NBEA: variants seen among roughly 807,000 people sequenced by gnomAD.
NBEA encodes the protein lysosomal-trafficking regulator 2.
NBEA carries 44 observed loss-of-function variants against 343.4 expected under a neutral mutation model. The observed-to-expected ratio is 0.13, with a 90% CI of 0.10 to 0.16. The LOEUF (loss-of-function observed/expected upper bound fraction) is 0.16, where lower values mean the gene tolerates loss of function less well. Among genes scored for constraint, NBEA ranks in the 10% least tolerant of loss-of-function variants. NBEA has a pLI of 1.00. For missense variants in NBEA, 2,555 were observed against 3,631.3 expected, an observed-to-expected ratio of 0.70 and a Z score of 7.62; for synonymous variants, 1,175 against 1,238.7, an observed-to-expected ratio of 0.95 and a Z score of 1.08.
At chr13:35,429,822 TGTG>T (rs1566121244) in intron 38 of NBEA, among the ~76,000 whole-genome samples, 5 of 145,766 alleles carry the variant, frequency 3.4e-5, no homozygotes, top group Non-Finnish European at 7.5e-5. Flanking sequence ...TGTGTGTGTG[TGTG>T]TGTGTGTGTA....
At chr13:35,598,486 T>G (rs2081907784) in intron 47 of NBEA, among the ~76,000 whole-genome samples, 2 of 152,210 alleles carry the variant, frequency 1.3e-5, no homozygotes, top group African/African-American at 4.8e-5. Flanking sequence ...GCTGAGTATC[T>G]TTCTCTGCAT....
intron 10 of NBEA, among the ~76,000 whole-genome samples, chr13:35,094,552 T>G (rs1322232508): frequency 6.6e-6 from 1 of 152,038 alleles, no homozygotes. Context: ...GAAGGAAATT[T>G]AACTCTTACA....
intron 48 of NBEA, among the ~76,000 whole-genome samples, chr13:35,611,045 G>GAA (rs35066386): frequency 8.0e-4 from 113 of 141,984 alleles, no homozygotes; most frequent in Non-Finnish European, 1.2e-3. Context: ...TTAAAAGGGG[G>GAA]AAAAAAAAAA....
intron 40 of NBEA, among the ~76,000 whole-genome samples, chr13:35,453,683 T>A (rs536559422): frequency 6.6e-6 from 1 of 152,336 alleles, no homozygotes; most frequent in Admixed American, 6.5e-5. Context: ...TTAGACTCCC[T>A]GGTCCTTTGT....
intron 1 of NBEA, among the ~76,000 whole-genome samples, chr13:35,024,537 A>T (rs1278325363): frequency 1.3e-5 from 2 of 152,004 alleles, no homozygotes; most frequent in Admixed American, 6.6e-5. Context: ...AAAATTAGCC[A>T]GGTGTGGTGG....
At chr13:35,664,424 G>A (rs373304966) in intron 55 of NBEA, among the ~76,000 whole-genome samples, 3 of 152,124 alleles carry the variant, frequency 2.0e-5, no homozygotes, top group South Asian at 4.1e-4. Flanking sequence ...AAGAAAGACC[G>A]CAAACAGAAC....
At chr13:35,197,036 A>G (rs185040328) in intron 31 of NBEA, among the ~76,000 whole-genome samples, 93 of 152,296 alleles carry the variant, frequency 6.1e-4, no homozygotes, top group Non-Finnish European at 1.1e-3. Context: ...TCACAGAAGC[A>G]GAATAAGATA....
At chr13:35,202,030 G>T (rs766942767) in intron 31 of NBEA, among the ~76,000 whole-genome samples, 11 of 152,030 alleles carry the variant, frequency 7.2e-5, no homozygotes, top group Non-Finnish European at 1.5e-4. Flanking sequence ...ATTTTAGTTT[G>T]GAATAGAAAG....
intron 41 of NBEA, among the ~76,000 whole-genome samples, chr13:35,477,674 CTGTCT>C (rs1030167159): frequency 7.9e-5 from 12 of 152,240 alleles, no homozygotes; most frequent in African/African-American, 2.4e-4. Flanking sequence ...GATATATCTC[CTGTCT>C]TAAGTGTCCT....
At chr13:35,085,756 T>C (rs1168852096) in intron 10 of NBEA, among the ~76,000 whole-genome samples, 2 of 151,986 alleles carry the variant, frequency 1.3e-5, no homozygotes, top group Non-Finnish European at 2.9e-5. Flanking sequence ...GAGAAGGAAA[T>C]AAAGGGTATT....
At chr13:35,005,921 A>T (rs368345138) in intron 1 of NBEA, among the ~76,000 whole-genome samples, 16 of 152,336 alleles carry the variant, frequency 1.1e-4, no homozygotes, top group African/African-American at 3.8e-4. Flanking sequence ...TGGAAGAGAC[A>T]GGAACCATTT....
intron 33 of NBEA, among the ~76,000 whole-genome samples, chr13:35,229,838 C>T (rs995784280): frequency 6.6e-6 from 1 of 152,088 alleles, no homozygotes; most frequent in African/African-American, 2.4e-5. Context: ...ACAGCATTTA[C>T]AACCTTCTTT....
intron 58 of NBEA, among the ~76,000 whole-genome samples, chr13:35,670,170 A>G (rs577001706): frequency 6.6e-6 from 1 of 152,358 alleles, no homozygotes; most frequent in East Asian, 1.9e-4. Flanking sequence ...GCAACACTTT[A>G]TGTAGACAGA....
chr13:35,049,570 G>A (rs2062991647), intron 5 of NBEA, among the ~76,000 whole-genome samples: 1 of 151,730 alleles, frequency 6.6e-6, no homozygotes, highest in South Asian at 2.1e-4. Context: ...TGGATAAAAT[G>A]AGACCAAGTT....
intron 46 of NBEA, among the ~76,000 whole-genome samples, chr13:35,590,126 A>G (rs1299088542): frequency 1.3e-5 from 2 of 152,150 alleles, no homozygotes; most frequent in Non-Finnish European, 2.9e-5. Context: ...TTTAAGGTTA[A>G]TATAGCACCT....
At chr13:35,021,325 G>T (rs2061831350) in intron 1 of NBEA, among the ~76,000 whole-genome samples, 1 of 152,138 alleles carries the variant, frequency 6.6e-6, no homozygotes, top group Admixed American at 6.6e-5. Flanking sequence ...TTTTCAGTAT[G>T]TGGCCTTGCA....
At chr13:35,471,921 G>T (rs1253011578) in intron 40 of NBEA, among the ~76,000 whole-genome samples, 1 of 152,134 alleles carries the variant, frequency 6.6e-6, no homozygotes, top group African/African-American at 2.4e-5. Flanking sequence ...CTGAACAGCG[G>T]AATTTATCAT....
intron 41 of NBEA, among the ~76,000 whole-genome samples, chr13:35,534,296 G>A (rs909513625): frequency 6.6e-6 from 1 of 152,136 alleles, no homozygotes; most frequent in African/African-American, 2.4e-5. Context: ...ATCTGTCTCA[G>A]AACTGTCTGT....
rs2085601255 is a variant in NBEA, at chr13:35,671,198, T to C, written c.*207T>C. 1 of 492,312 alleles carries C rather than the reference T, an allele frequency of 2.0e-6. No homozygotes were observed. The highest frequency in any genetic ancestry group is 1.9e-5 in the African/African-American group (1 of 52,666). 30.5% of individuals were successfully genotyped at this position (492,312 alleles called of 1,614,324 possible). On this transcript the variant is annotated 3_prime_UTR_variant, in exon 59 of 59. Coordinates refer to ENST00000379939, the MANE Select transcript of NBEA (RefSeq NM_001385012.1). Reference sequence around the variant, plus strand: ...AACACCAGCTGCTATCAAGCAAGCTTATATCATGTAAATTATATGAATTAG... The same window carrying C: ...AACACCAGCTGCTATCAAGCAAGCTCATATCATGTAAATTATATGAATTAG...
Sources: gnomAD v4.1 joint callset for allele counts (sites outside exome capture counted in the v4.1 genomes callset) on GRCh38, gnomAD v4.1.1 for gene constraint, MANE v1.5 for transcripts, NCBI Gene and HGNC (gene_info 2026-07-23, HGNC 2026-07-21) for gene names.